The following ZDHHC15 variants were observed in gnomAD, a reference collection of about 807,000 sequenced individuals.
ZDHHC15 encodes the protein palmitoyltransferase ZDHHC15.
In ZDHHC15, 19 loss-of-function variants were observed where a neutral mutation model predicts 31.7. The observed-to-expected ratio is 0.60, with a 90% CI of 0.42 to 0.88. The LOEUF is 0.88. Among genes scored for constraint, ZDHHC15 ranks in the 40% least tolerant of loss-of-function variants. ZDHHC15 has a pLI of 0.00. For synonymous variants in ZDHHC15, 103 were observed against 90.0 expected (o/e 1.14, Z -0.82); for missense variants, 209 against 251.2 (o/e 0.83, Z 1.14).
At chrX:75,418,970 A>G (rs1233325885) in intron 9 of ZDHHC15, among the ~76,000 whole-genome samples, 1 of 112,570 alleles carries the variant, frequency 8.9e-6, no homozygotes, top group Non-Finnish European at 1.9e-5. Flanking sequence ...ATTTGATTAT[A>G]CTAAAGAGTT....
intron 2 of ZDHHC15, among the ~76,000 whole-genome samples, chrX:75,490,432 T>C (rs1034724817): frequency 1.8e-5 from 2 of 111,658 alleles, no homozygotes; most frequent in Admixed American, 1.9e-4. Context: ...TGAAGGCCAA[T>C]ATTCAACATT....
In ZDHHC15 at chrX:75,462,107, A is replaced by G. The variant is rs776352682; in HGVS notation, c.259-11185T>C. On this transcript the variant is annotated intron_variant, in intron 3 of 11. Coordinates refer to ENST00000373367, the MANE Select transcript of ZDHHC15 (RefSeq NM_144969.3). ...AAAATTTATCAAACAAATGAAAAACAGAAAAAAGTAGAGGTTACAATCCTA... is the reference window on the plus strand; with the variant it reads ...AAAATTTATCAAACAAATGAAAAACGGAAAAAAGTAGAGGTTACAATCCTA... 1.9e-3 allele frequency among the ~76,000 whole-genome samples: 208 copies of G among 112,032 alleles called. 1 individual carries two copies. Among genetic ancestry groups the G allele is most frequent in the African/African-American group, 6.3e-3 (195 of 30,837 alleles).
At chrX:75,483,694 C>G (rs1218001049) in intron 2 of ZDHHC15, among the ~76,000 whole-genome samples, 2 of 111,933 alleles carry the variant, frequency 1.8e-5, no homozygotes, top group African/African-American at 6.5e-5. Flanking sequence ...GCCAATATGC[C>G]TTGGGGAATA....
intron 4 of ZDHHC15, among the ~76,000 whole-genome samples, chrX:75,433,640 T>C (rs1175019612): frequency 9.2e-6 from 1 of 108,979 alleles, no homozygotes; most frequent in Non-Finnish European, 1.9e-5. Context: ...GTAGTGTATA[T>C]TTTTTATGGC....
chrX:75,507,244 C>T (rs1159020585), intron 1 of ZDHHC15, among the ~76,000 whole-genome samples: 1 of 111,424 alleles, frequency 9.0e-6, no homozygotes, highest in Non-Finnish European at 1.9e-5. Context: ...AAGTGTTTCC[C>T]ATTACATACA....
chrX:75,452,111 T>A (rs1301109317), intron 3 of ZDHHC15, among the ~76,000 whole-genome samples: 1 of 107,761 alleles, frequency 9.3e-6, no homozygotes, highest in Non-Finnish European at 1.9e-5. Context: ...TCAAGACCCA[T>A]CAGAGTGCTG....
intron 10 of ZDHHC15, among the ~76,000 whole-genome samples, chrX:75,395,375 A>G (rs1014958967): frequency 8.9e-6 from 1 of 112,143 alleles, no homozygotes; most frequent in Admixed American, 9.4e-5. Context: ...TACAAAATCA[A>G]CATGCAAAAA....
intron 2 of ZDHHC15, among the ~76,000 whole-genome samples, chrX:75,494,067 T>C (rs933238007): frequency 6.3e-5 from 7 of 111,800 alleles, no homozygotes; most frequent in Non-Finnish European, 1.3e-4. Context: ...CTTAAACTGA[T>C]AGGCAACTTC....
At chrX:75,392,547 A>T (rs2083256985) in intron 10 of ZDHHC15, among the ~76,000 whole-genome samples, 1 of 112,106 alleles carries the variant, frequency 8.9e-6, no homozygotes. Flanking sequence ...ATCTCCTGAG[A>T]TCATACATAA....
At position 75,376,059 on chromosome X, in the gene ZDHHC15, C is replaced by T. The variant is rs370745963; in HGVS notation, c.*32+3061G>A. Among the ~76,000 whole-genome samples, 5 of 111,444 alleles carry T rather than the reference C, an allele frequency of 4.5e-5. No homozygotes were observed. In the East Asian group the frequency reaches 1.4e-3, roughly 32 times the overall value. The stretch of plus-strand genomic sequence containing the variant: ...GCATACCCTTTTCTCTGGAGCTTCA[C>T]TAGCATCTGTTATTTTTTGACTTTT... On this transcript the variant is annotated intron_variant, in intron 11 of 11. Coordinates refer to ENST00000373367, the MANE Select transcript of ZDHHC15 (RefSeq NM_144969.3).
intron 4 of ZDHHC15, among the ~76,000 whole-genome samples, chrX:75,442,587 T>C (rs1032435066): frequency 7.1e-4 from 80 of 111,892 alleles, no homozygotes; most frequent in African/African-American, 2.6e-3. Flanking sequence ...GAATCCAACT[T>C]ACAAGGGATG....
chrX:75,493,132 C>T (rs1468231562), intron 2 of ZDHHC15, among the ~76,000 whole-genome samples: 1 of 111,671 alleles, frequency 9.0e-6, no homozygotes, highest in Non-Finnish European at 1.9e-5. Flanking sequence ...ATACAAACTA[C>T]CATCAGAGAA....
chrX:75,376,254 G>A (rs1252539398), intron 11 of ZDHHC15, among the ~76,000 whole-genome samples: 1 of 53,652 alleles, frequency 1.9e-5, no homozygotes, highest in African/African-American at 4.4e-5. Context: ...TTTTTAATGG[G>A]GTTGTTTTTT....
chrX:75,390,992 G>T (rs2083236360), intron 10 of ZDHHC15, among the ~76,000 whole-genome samples: 1 of 111,777 alleles, frequency 8.9e-6, no homozygotes, highest in Admixed American at 9.5e-5. Context: ...AAGGAATTCA[G>T]AATCTTACCA....
chrX:75,395,839 A>G, intron 10 of ZDHHC15, among the ~76,000 whole-genome samples: 1 of 112,086 alleles, frequency 8.9e-6, no homozygotes. Flanking sequence ...GGAACAGAAT[A>G]GAGAACAAAG....
chrX:75,470,608 C>G (rs748593710), intron 3 of ZDHHC15, among the ~76,000 whole-genome samples: 2 of 111,016 alleles, frequency 1.8e-5, no homozygotes, highest in Non-Finnish European at 1.9e-5. Flanking sequence ...TCCAGGCAAG[C>G]AAAAATGTCA....
intron 4 of ZDHHC15, among the ~76,000 whole-genome samples, chrX:75,437,129 C>T (rs1189288628): frequency 9.0e-6 from 1 of 111,134 alleles, no homozygotes; most frequent in African/African-American, 3.3e-5. Context: ...GATCCGCCCG[C>T]CCCGGCCACC....
chrX:75,505,726 G>T, intron 2 of ZDHHC15, 95 bp downstream of exon 2: 1 of 1,011,405 alleles, frequency 9.9e-7, no homozygotes, highest in Non-Finnish European at 1.3e-6. Context: ...TTTATTTCTG[G>T]GAAAATTGCT....
chrX:75,445,340 G>C lies in ZDHHC15; in HGVS notation c.379+5462C>G, dbSNP rs1329258177. On this transcript the variant is annotated intron_variant, in intron 4 of 11. Transcript: ENST00000373367. ...ATAAAAAGAGCACTGGTAATCTGTGGCATGATCTGACAATGGAAATATGCA... is the reference window on the plus strand; with the variant it reads ...ATAAAAAGAGCACTGGTAATCTGTGCCATGATCTGACAATGGAAATATGCA... 5.4e-5 allele frequency among the ~76,000 whole-genome samples: 6 copies of C among 111,511 alleles called. No homozygotes were observed. In the East Asian group the frequency reaches 1.7e-3, roughly 32 times the overall value.
Sources: gnomAD v4.1 joint callset for allele counts (sites outside exome capture counted in the v4.1 genomes callset) on GRCh38, gnomAD v4.1.1 for gene constraint, MANE v1.5 for transcripts, NCBI Gene and HGNC (gene_info 2026-07-23, HGNC 2026-07-21) for gene names.